OPCML: variants seen among roughly 807,000 people sequenced by gnomAD.
OPCML encodes opioid binding protein/cell adhesion molecule like.
OPCML carries 13 observed loss-of-function variants against 37.8 expected under a neutral mutation model. That is an observed-to-expected ratio of 0.34 (90% CI 0.22 to 0.55). The LOEUF is 0.55. OPCML is among the 20% of genes least tolerant of loss of function. OPCML has a pLI of 0.91. For missense variants in OPCML, 341 were observed against 435.6 expected, an observed-to-expected ratio of 0.78 and a Z score of 1.93; for synonymous variants, 176 against 168.8, an observed-to-expected ratio of 1.04 and a Z score of -0.33.
At chr11:133,479,118 G>T (rs58316210) in intron 1 of OPCML, among the ~76,000 whole-genome samples, 1 of 152,130 alleles carries the variant, frequency 6.6e-6, no homozygotes, top group Non-Finnish European at 1.5e-5. Flanking sequence ...CACAGCAAGC[G>T]CTCTGCAAAT....
intron 2 of OPCML, among the ~76,000 whole-genome samples, chr11:132,833,430 C>T (rs1268919001): frequency 2.0e-5 from 3 of 152,282 alleles, no homozygotes; most frequent in East Asian, 1.9e-4. Flanking sequence ...CTGTCATCTC[C>T]GGTGCTAACA....
At chr11:132,774,694 C>T (rs1946755616) in intron 2 of OPCML, among the ~76,000 whole-genome samples, 1 of 152,168 alleles carries the variant, frequency 6.6e-6, no homozygotes, top group South Asian at 2.1e-4. Context: ...CCTATCATTC[C>T]CTGTCCCCCT....
rs71477795 is a variant in OPCML at position 133,433,251 on chromosome 11, C to CAAAAAAAAAAAA, written c.61+99001_61+99012dup. On this transcript the variant is annotated intron_variant, in intron 1 of 7. Transcript: ENST00000524381. ...TGGGCGACAGAGCGAGACTCCGTCT[C>CAAAAAAAAAAAA]AAAAAAAAAAAAAAAAAAATATTAC... Among the ~76,000 whole-genome samples the CAAAAAAAAAAAA allele has an allele frequency of 3.4e-3, 309 of 90,674 alleles. 23 individuals are homozygous for CAAAAAAAAAAAA. Among genetic ancestry groups the CAAAAAAAAAAAA allele is most frequent in the African/African-American group, 0.013 (284 of 21,782 alleles). The allele number at this position is 90,674 out of a possible 152,430, so 59.5% of individuals were successfully genotyped here. A position where few individuals can be genotyped will look rare whatever the true frequency, so the allele number is the denominator to read the frequency against.
At chr11:133,113,989 A>G (rs1266725266) in intron 1 of OPCML, among the ~76,000 whole-genome samples, 1 of 152,246 alleles carries the variant, frequency 6.6e-6, no homozygotes, top group Non-Finnish European at 1.5e-5. Flanking sequence ...GGAAGACGCT[A>G]TGATTACGCT....
At chr11:133,195,086 C>T (rs901513739) in intron 1 of OPCML, among the ~76,000 whole-genome samples, 28 of 152,136 alleles carry the variant, frequency 1.8e-4, no homozygotes, top group African/African-American at 4.1e-4. Flanking sequence ...AGTAAGTTGT[C>T]GGATTCCAGA....
chr11:133,038,484 A>G (rs1947825346), intron 1 of OPCML, among the ~76,000 whole-genome samples: 1 of 152,376 alleles, frequency 6.6e-6, no homozygotes, highest in Non-Finnish European at 1.5e-5. Context: ...ATTGACAATT[A>G]TAAAAAGATT....
At chr11:132,504,956 G>T (rs2096253360) in intron 4 of OPCML, among the ~76,000 whole-genome samples, 1 of 152,002 alleles carries the variant, frequency 6.6e-6, no homozygotes, top group South Asian at 2.1e-4. Flanking sequence ...CAAACCAGAG[G>T]AGTCAATGAG....
At chr11:133,421,464 A>C in intron 1 of OPCML, 1 of 985,428 alleles carries the variant, frequency 1.0e-6, no homozygotes, top group Non-Finnish European at 1.2e-6. Context: ...GAAAAAACGG[A>C]AATTATCATT....
chr11:132,842,495 T>G (rs1283657434), intron 2 of OPCML, among the ~76,000 whole-genome samples: 1 of 152,230 alleles, frequency 6.6e-6, no homozygotes, highest in Non-Finnish European at 1.5e-5. Flanking sequence ...TCTGTGCTGC[T>G]GTTAACCTCC....
At position 133,205,708 on chromosome 11, in the gene OPCML, AT is replaced by A. The variant is rs999164090; in HGVS notation, c.62-262699del. 3.3e-5 allele frequency among the ~76,000 whole-genome samples: 5 copies of A among 152,070 alleles called. No individual in the cohort carries two copies. Among genetic ancestry groups the A allele is most frequent in the African/African-American group, 9.7e-5 (4 of 41,404 alleles). On this transcript the variant is annotated intron_variant, in intron 1 of 7. Coordinates refer to ENST00000524381, the MANE Select transcript of OPCML (RefSeq NM_001012393.5). The surrounding 1 kb of genome is among the most constrained non-coding windows in gnomAD (Gnocchi z 4.8). ...CAAGAGAGTAGGAAAAACATTTAGTATTTTTTTTCCTTGTCTTTAAGAATTA... is the reference window on the plus strand; with the variant it reads ...CAAGAGAGTAGGAAAAACATTTAGTATTTTTTTCCTTGTCTTTAAGAATTA...
intron 4 of OPCML, among the ~76,000 whole-genome samples, chr11:132,510,022 C>A (rs550159520): frequency 2.0e-5 from 3 of 152,276 alleles, no homozygotes; most frequent in Non-Finnish European, 2.9e-5. Flanking sequence ...ACCCTGTAAA[C>A]CCACAGAGGC....
At chr11:133,273,989 GT>G (rs1300165803) in intron 1 of OPCML, among the ~76,000 whole-genome samples, 1 of 152,142 alleles carries the variant, frequency 6.6e-6, no homozygotes, top group African/African-American at 2.4e-5. Flanking sequence ...TATTATACAT[GT>G]AATATACAAA....
At chr11:133,235,670 A>C (rs1940479345) in intron 1 of OPCML, among the ~76,000 whole-genome samples, 4 of 152,172 alleles carry the variant, frequency 2.6e-5, no homozygotes, top group East Asian at 1.9e-4. Context: ...AACAGACCCC[A>C]AAAAATTACT....
chr11:132,438,839 CCAAG>C (rs2096022171), intron 4 of OPCML, among the ~76,000 whole-genome samples: 1 of 151,940 alleles, frequency 6.6e-6, no homozygotes, highest in Non-Finnish European at 1.5e-5. Flanking sequence ...TGACTCTGCT[CCAAG>C]TCTAAGCCTT....
chr11:133,369,038 G>T (rs1472764171), intron 1 of OPCML, among the ~76,000 whole-genome samples: 1 of 152,190 alleles, frequency 6.6e-6, no homozygotes, highest in Non-Finnish European at 1.5e-5. Flanking sequence ...TAGGCAGAAT[G>T]CCAGGAAATC....
intron 2 of OPCML, among the ~76,000 whole-genome samples, chr11:132,687,692 G>A (rs534163338): frequency 6.6e-6 from 1 of 151,778 alleles, no homozygotes; most frequent in Non-Finnish European, 1.5e-5. Flanking sequence ...CCATCTGAAA[G>A]CAACTCTCCT....
chr11:133,256,767 G>A (rs1359663787), intron 1 of OPCML, among the ~76,000 whole-genome samples: 1 of 152,146 alleles, frequency 6.6e-6, no homozygotes, highest in African/African-American at 2.4e-5. Flanking sequence ...TAATGATATA[G>A]ATTACATAAA....
chr11:133,513,631 G>A (rs1365251779), intron 1 of OPCML, among the ~76,000 whole-genome samples: 2 of 152,218 alleles, frequency 1.3e-5, no homozygotes, highest in Non-Finnish European at 2.9e-5. Context: ...CGTGTTTACA[G>A]AATTGTGTCT....
chr11:133,315,474 C>A (rs1405350615), intron 1 of OPCML, among the ~76,000 whole-genome samples: 1 of 152,166 alleles, frequency 6.6e-6, no homozygotes, highest in Admixed American at 6.5e-5. Flanking sequence ...ATGAAATTCA[C>A]ATTTGAGGCC....
Sources: gnomAD v4.1 joint callset for allele counts (sites outside exome capture counted in the v4.1 genomes callset) on GRCh38, gnomAD v4.1.1 for gene constraint, Gnocchi (gnomAD v3.1) non-coding constraint, MANE v1.5 for transcripts, NCBI Gene and HGNC (gene_info 2026-07-23, HGNC 2026-07-21) for gene names.